The following SP110 variants were observed in gnomAD, a reference collection of about 807,000 sequenced individuals.
SP110 encodes the protein interferon-induced protein 41, 30kD.
SP110 carries 62 observed loss-of-function variants against 92.7 expected under a neutral mutation model. The ratio of observed to expected loss-of-function variants is 0.67; its 90% CI spans 0.55 to 0.83. The LOEUF (loss-of-function observed/expected upper bound fraction) is 0.83. Among genes scored for constraint, SP110 ranks in the 40% least tolerant of loss-of-function variants. The pLI, the probability that SP110 is intolerant of heterozygous loss-of-function variation, is 0.00. For synonymous variants in SP110, 273 were observed against 305.3 expected, an observed-to-expected ratio of 0.89 and a Z score of 1.10; for missense variants, 793 against 863.9, an observed-to-expected ratio of 0.92 and a Z score of 1.03.
intron 8 of SP110, among the ~76,000 whole-genome samples, chr2:230,206,853 T>A (rs1055255469): frequency 6.6e-6 from 1 of 152,048 alleles, no homozygotes; most frequent in Non-Finnish European, 1.5e-5. Context: ...TTAATTACTC[T>A]GATCTAGAGG....
At chr2:230,180,197 A>T (rs2042067515) in intron 12 of SP110, among the ~76,000 whole-genome samples, 1 of 152,348 alleles carries the variant, frequency 6.6e-6, no homozygotes, top group East Asian at 1.9e-4. Flanking sequence ...GAGAACAGAG[A>T]GCTCAGGGAA....
At chr2:230,216,703 G>A in intron 2 of SP110, 78 bp downstream of exon 2, 2 of 1,561,234 alleles carry the variant, frequency 1.3e-6, no homozygotes, top group Non-Finnish European at 1.8e-6. Context: ...AAGCCCTGGT[G>A]GTTTGTGGTT....
intron 1 of SP110, among the ~76,000 whole-genome samples, chr2:230,219,288 T>C (rs1440472062): frequency 6.6e-6 from 1 of 152,178 alleles, no homozygotes; most frequent in African/African-American, 2.4e-5. Flanking sequence ...AACATATTTG[T>C]CTATCAAATT....
intron 1 of SP110, among the ~76,000 whole-genome samples, chr2:230,218,378 G>A (rs963584070): frequency 6.6e-6 from 1 of 152,106 alleles, no homozygotes; most frequent in Non-Finnish European, 1.5e-5. Flanking sequence ...CAATCGCATA[G>A]GAAAACAAGA....
chr2:230,186,552 G>C (rs1452822448), intron 10 of SP110, among the ~76,000 whole-genome samples: 1 of 152,026 alleles, frequency 6.6e-6, no homozygotes, highest in South Asian at 2.1e-4. Context: ...GTGGTTTTTG[G>C]TTACATGGAT....
chr2:230,175,945 C>CTTT (rs34906767), intron 14 of SP110, among the ~76,000 whole-genome samples: 5 of 130,744 alleles, frequency 3.8e-5, no homozygotes, highest in African/African-American at 1.4e-4. Context: ...CTGCAGCATT[C>CTTT]TTTTTTTTTT....
At chr2:230,216,719 C>T (rs952192232) in intron 2 of SP110, 62 bp downstream of exon 2, 19 of 1,600,240 alleles carry the variant, frequency 1.2e-5, no homozygotes, top group East Asian at 1.1e-4. Context: ...TGGTTTGAGA[C>T]TTTAATAATC....
intron 14 of SP110, 168 bp from the exon 15 acceptor site, chr2:230,173,127 A>C: frequency 3.2e-6 from 2 of 615,714 alleles, no homozygotes; most frequent in Non-Finnish European, 6.1e-6. Context: ...TGCAAGACAA[A>C]TGGCACAACA....
Position 230,211,065 on chromosome 2 carries a change from A to C in SP110, c.751+405T>G, listed in dbSNP as rs1165045210. 6.6e-6 allele frequency among the ~76,000 whole-genome samples: 1 copy of C among 152,218 alleles called. No homozygotes were observed. Among genetic ancestry groups the C allele is most frequent in the Non-Finnish European group, 1.5e-5 (1 of 68,026 alleles). Reference sequence around the variant, plus strand: ...TACTTTATTGAAGTGGCCTCAGAAGAGTGGCTCTGTCAAACAGTCCAGCCT... The same window carrying C: ...TACTTTATTGAAGTGGCCTCAGAAGCGTGGCTCTGTCAAACAGTCCAGCCT... On this transcript the variant is annotated intron_variant, in intron 6 of 18. Coordinates refer to ENST00000258381, the MANE Select transcript of SP110 (RefSeq NM_080424.4). This position sits in a 1 kb window ranked among gnomAD's most constrained non-coding sequence, Gnocchi z 4.2.
chr2:230,171,451 C>G (rs771727201), intron 17 of SP110: 12 of 542,934 alleles, frequency 2.2e-5, no homozygotes, highest in Non-Finnish European at 3.6e-5. Flanking sequence ...GAAGATGAAA[C>G]AGATACACAG....
chr2:230,179,355 C>T (rs1032919927), intron 12 of SP110, among the ~76,000 whole-genome samples: 12 of 151,824 alleles, frequency 7.9e-5, no homozygotes, highest in Admixed American at 2.0e-4. Flanking sequence ...TGGGAACTTA[C>T]GGTGGGAAAA....
At chr2:230,193,147 T>A (rs6436919) in intron 10 of SP110, among the ~76,000 whole-genome samples, 4 of 151,984 alleles carry the variant, frequency 2.6e-5, no homozygotes, top group Non-Finnish European at 4.4e-5. Context: ...TTAAAGTCTG[T>A]TTTATCTGAT....
intron 10 of SP110, among the ~76,000 whole-genome samples, chr2:230,192,591 C>A (rs553368983): frequency 2.2e-4 from 34 of 152,214 alleles, no homozygotes; most frequent in African/African-American, 7.5e-4. Flanking sequence ...TGGGAAGGAC[C>A]TCTTCAAGGA....
At chr2:230,213,502 G>A (rs1013824120) in intron 3 of SP110, among the ~76,000 whole-genome samples, 1 of 152,162 alleles carries the variant, frequency 6.6e-6, no homozygotes, top group Non-Finnish European at 1.5e-5. Context: ...TGCAGAGTCA[G>A]CTTCTGTGCC....
chr2:230,216,700 G>T lies in SP110; in HGVS notation c.147+81C>A, dbSNP rs987956422. On this transcript the variant is annotated intron_variant, in intron 2 of 18. Coordinates refer to ENST00000258381, the MANE Select transcript of SP110 (RefSeq NM_080424.4). ...GGGCCTTCCAAACTCTGGAAGCCCT[G>T]GTGGTTTGTGGTTTGAGACTTTAAT... 7.7e-5 allele frequency: 120 copies of T among 1,551,620 alleles called. No homozygotes were observed. In the Admixed American group the frequency reaches 2.0e-3, roughly 26 times the overall value.
At chr2:230,172,477 G>A (rs1188727470) in intron 15 of SP110, 1 of 543,214 alleles carries the variant, frequency 1.8e-6, no homozygotes, top group Non-Finnish European at 3.3e-6. Flanking sequence ...TCAGAATCTG[G>A]GCTTTCACCT....
intron 10 of SP110, among the ~76,000 whole-genome samples, chr2:230,195,795 G>A (rs2042843301): frequency 6.6e-6 from 1 of 151,894 alleles, no homozygotes; most frequent in African/African-American, 2.4e-5. Flanking sequence ...GAGCAGGACT[G>A]AAAAAAACTG....
intron 6 of SP110, among the ~76,000 whole-genome samples, chr2:230,210,687 T>C: frequency 6.6e-6 from 1 of 152,240 alleles, no homozygotes. Flanking sequence ...GACAGAGAAC[T>C]TGAAGCCATA....
chr2:230,192,578 G>A (rs2042686428), intron 10 of SP110, among the ~76,000 whole-genome samples: 1 of 152,086 alleles, frequency 6.6e-6, no homozygotes, highest in Non-Finnish European at 1.5e-5. Flanking sequence ...AGCTAACAGA[G>A]GATGGGAAGG....
Sources: gnomAD v4.1 joint callset for allele counts (sites outside exome capture counted in the v4.1 genomes callset) on GRCh38, gnomAD v4.1.1 for gene constraint, Gnocchi (gnomAD v3.1) non-coding constraint, MANE v1.5 for transcripts, NCBI Gene and HGNC (gene_info 2026-07-23, HGNC 2026-07-21) for gene names.